The following SARNP variants were observed in gnomAD, a reference collection of about 807,000 sequenced individuals.
SARNP encodes the protein SAP domain containing ribonucleoprotein, also known as SAP domain-containing ribonucleoprotein.
In SARNP, 5 loss-of-function variants were observed where a neutral mutation model predicts 38.1. The ratio of observed to expected loss-of-function variants is 0.13; its 90% CI spans 0.07 to 0.28. The LOEUF (loss-of-function observed/expected upper bound fraction) is 0.28. Among genes scored for constraint, SARNP ranks in the 10% least tolerant of loss-of-function variants. The pLI is 1.00. For synonymous variants in SARNP, 84 were observed against 80.6 expected (o/e 1.04, Z -0.23); for missense variants, 180 against 243.9 (o/e 0.74, Z 1.75).
chr12:55,762,231 G>A (rs966121665), intron 9 of SARNP, among the ~76,000 whole-genome samples: 1 of 152,078 alleles, frequency 6.6e-6, no homozygotes, highest in East Asian at 1.9e-4. Context: ...AGGTTACAGT[G>A]AGCTGAGATC....
At chr12:55,766,673 A>G (rs1592556811) in intron 9 of SARNP, among the ~76,000 whole-genome samples, 2 of 111,108 alleles carry the variant, frequency 1.8e-5, no homozygotes, top group Middle Eastern at 0.01. Flanking sequence ...CCCAGGCTGG[A>G]GTGTAGTGGC....
At chr12:55,802,818 C>T (rs1230522015) in intron 2 of SARNP, among the ~76,000 whole-genome samples, 2 of 150,320 alleles carry the variant, frequency 1.3e-5, no homozygotes, top group South Asian at 2.1e-4. Flanking sequence ...TTTCTGTCAC[C>T]GAGTGAATTA....
At chr12:55,796,247 T>C (rs1290505069) in intron 4 of SARNP, among the ~76,000 whole-genome samples, 171 bp from the exon 5 acceptor site, 1 of 152,132 alleles carries the variant, frequency 6.6e-6, no homozygotes, top group Non-Finnish European at 1.5e-5. Context: ...TTAACTGTCA[T>C]CTATTGAGAG....
chr12:55,787,086 G>A (rs1462888876), intron 9 of SARNP, among the ~76,000 whole-genome samples: 2 of 151,830 alleles, frequency 1.3e-5, no homozygotes, highest in African/African-American at 4.8e-5. Flanking sequence ...TCAAAAACTG[G>A]CCAGGCATGG....
intron 1 of SARNP, among the ~76,000 whole-genome samples, chr12:55,806,834 G>A (rs1446822460): frequency 1.3e-5 from 2 of 152,148 alleles, no homozygotes; most frequent in Non-Finnish European, 2.9e-5. Flanking sequence ...CACCGCGCCC[G>A]GCCTTAAATC....
intron 9 of SARNP, among the ~76,000 whole-genome samples, chr12:55,765,132 A>G (rs1878790817): frequency 6.6e-6 from 1 of 152,156 alleles, no homozygotes; most frequent in Non-Finnish European, 1.5e-5. Context: ...ACTTTTTTCC[A>G]TTCAATTTAG....
intron 9 of SARNP, among the ~76,000 whole-genome samples, chr12:55,768,856 T>C (rs1878924902): frequency 6.6e-6 from 1 of 152,150 alleles, no homozygotes; most frequent in African/African-American, 2.4e-5. Context: ...CTCAAGTAGC[T>C]GGGATTACAG....
rs563540690 is a variant in SARNP, at chr12:55,794,056, T to C, written c.406+303A>G. ...CAGTATAACACTAGATAGTATGCAA[T>C]AATTTTATGCAGTTGAGACCCCAGA... is the stretch of plus-strand genomic sequence containing the variant. On this transcript the variant is annotated intron_variant, in intron 7 of 10. Coordinates refer to ENST00000336133, the MANE Select transcript of SARNP (RefSeq NM_033082.4). 12 of 360,744 alleles carry C rather than the reference T, an allele frequency of 3.3e-5. No homozygotes were observed. The East Asian group carries it at 8.2e-4, about 25-fold the overall frequency. 22.3% of individuals were successfully genotyped at this position (360,744 alleles called of 1,614,324 possible).
intron 9 of SARNP, among the ~76,000 whole-genome samples, chr12:55,770,205 G>A (rs1878963916): frequency 6.6e-6 from 1 of 151,288 alleles, no homozygotes; most frequent in Non-Finnish European, 1.5e-5. Flanking sequence ...AGAGAGGAAA[G>A]AGTCATCAGG....
chr12:55,772,483 A>T (rs705709), intron 9 of SARNP, among the ~76,000 whole-genome samples: 3 of 152,078 alleles, frequency 2.0e-5, no homozygotes, highest in East Asian at 1.9e-4. Flanking sequence ...CCCAACCCCC[A>T]CTCCTCTTCA....
intron 9 of SARNP, among the ~76,000 whole-genome samples, chr12:55,782,704 A>T (rs1879375027): frequency 6.6e-6 from 1 of 152,082 alleles, no homozygotes; most frequent in Non-Finnish European, 1.5e-5. Flanking sequence ...CTCCCACCTC[A>T]GTCTCCTAAG....
At chr12:55,806,298 G>A (rs1307604284) in intron 1 of SARNP, among the ~76,000 whole-genome samples, 3 of 149,356 alleles carry the variant, frequency 2.0e-5, no homozygotes, top group African/African-American at 4.9e-5. Context: ...TTTTTGAGAC[G>A]GAGTCTTGCT....
chr12:55,772,593 C>G lies in SARNP; in HGVS notation c.502-11953G>C, dbSNP rs1879039655. On this transcript the variant is annotated intron_variant, in intron 9 of 10. Transcript: ENST00000336133. ...TGTCACACTTGACACCCCCAGAAAT[C>G]AAGTTTCTATTAAAAGTCCCCATCT... 2.0e-5 allele frequency among the ~76,000 whole-genome samples: 3 copies of G among 152,144 alleles called. No individual in the cohort carries two copies. In the South Asian group the frequency reaches 6.2e-4, roughly 32 times the overall value.
At position 55,789,028 on chromosome 12, in the gene SARNP, G is replaced by A. The variant is rs755652416; in HGVS notation, c.501+47C>T. On this transcript the variant is annotated intron_variant, in intron 9 of 10. Transcript: ENST00000336133. ...TTTCCAGCCTATGTAGTTCCCATAA[G>A]CTGCTCTAATGTCACAAAAACATTA... The A allele has an allele frequency of 7.0e-6, 9 of 1,281,882 alleles. No individual in the cohort carries two copies. In the South Asian group the frequency reaches 1.1e-4, roughly 16 times the overall value. 79.4% of individuals were successfully genotyped at this position (1,281,882 alleles called of 1,614,324 possible). A position where few individuals can be genotyped will look rare whatever the true frequency, so the allele number is the denominator to read the frequency against.
intron 9 of SARNP, among the ~76,000 whole-genome samples, chr12:55,779,003 A>AAC (rs1879267232): frequency 6.6e-6 from 1 of 151,966 alleles, no homozygotes; most frequent in Admixed American, 6.6e-5. Context: ...AACAAAACAA[A>AAC]ACAAAACACA....
chr12:55,766,842 G>T (rs1878852235), intron 9 of SARNP, among the ~76,000 whole-genome samples: 1 of 151,932 alleles, frequency 6.6e-6, no homozygotes, highest in African/African-American at 2.4e-5. Flanking sequence ...GGCTGGTCTT[G>T]AACTCCTAAG....
At chr12:55,760,227 A>G (rs1878632822) in intron 10 of SARNP, among the ~76,000 whole-genome samples, 1 of 152,042 alleles carries the variant, frequency 6.6e-6, no homozygotes, top group Non-Finnish European at 1.5e-5. Context: ...GGCCAGACAT[A>G]GTGGCTCATG....
intron 9 of SARNP, among the ~76,000 whole-genome samples, chr12:55,769,931 G>A (rs1223583485): frequency 6.6e-6 from 1 of 152,148 alleles, no homozygotes; most frequent in Non-Finnish European, 1.5e-5. Context: ...GACTTAAGAC[G>A]GGTTTTTATC....
intron 8 of SARNP, among the ~76,000 whole-genome samples, chr12:55,789,733 C>G (rs903060786): frequency 1.3e-5 from 2 of 151,988 alleles, no homozygotes; most frequent in Non-Finnish European, 2.9e-5. Flanking sequence ...CACCTGAGGT[C>G]AGGAGTTCAA....
Sources: gnomAD v4.1 joint callset for allele counts (sites outside exome capture counted in the v4.1 genomes callset) on GRCh38, gnomAD v4.1.1 for gene constraint, MANE v1.5 for transcripts, NCBI Gene and HGNC (gene_info 2026-07-23, HGNC 2026-07-21) for gene names.